CUX1: variants seen among roughly 807,000 people sequenced by gnomAD.
CUX1 encodes protein CASP.
A neutral mutation model predicts 158.8 loss-of-function variants in CUX1; 31 were observed. That is an observed-to-expected ratio of 0.20 (90% CI 0.15 to 0.26). CUX1 has a LOEUF of 0.26. Among genes scored for constraint, CUX1 ranks in the 10% least tolerant of loss-of-function variants. The pLI is 1.00. For synonymous variants in CUX1, 879 were observed against 862.1 expected (o/e 1.02, Z -0.34); for missense variants, 1,589 against 2,014.6 (o/e 0.79, Z 4.04).
intron 2 of CUX1, among the ~76,000 whole-genome samples, chr7:102,010,284 A>G (rs936679292): frequency 5.9e-5 from 9 of 151,646 alleles, no homozygotes; most frequent in African/African-American, 2.2e-4. Flanking sequence ...AGCCCCAGCT[A>G]CTCAGGAGGC....
chr7:101,877,750 C>T (rs957508462), intron 1 of CUX1, among the ~76,000 whole-genome samples: 2 of 142,882 alleles, frequency 1.4e-5, no homozygotes, highest in African/African-American at 5.2e-5. Context: ...ATTAAAATCC[C>T]TCCAATTGTG....
At chr7:102,030,933 C>T (rs1200664701) in intron 3 of CUX1, among the ~76,000 whole-genome samples, 1 of 152,116 alleles carries the variant, frequency 6.6e-6, no homozygotes, top group Admixed American at 6.5e-5. Context: ...ACATCCCGGG[C>T]TCAAGCCATC....
At chr7:101,982,872 T>TCCCCCCA (rs1813628443) in intron 2 of CUX1, among the ~76,000 whole-genome samples, 1 of 56,140 alleles carries the variant, frequency 1.8e-5, no homozygotes, top group Non-Finnish European at 3.5e-5. Flanking sequence ...CCCTCCCCCC[T>TCCCCCCA]CCCCCCACCC....
In CUX1 at chr7:102,097,467, A is replaced by C. The variant is rs903050299; in HGVS notation, c.372A>C (p.Glu124Asp). Residue 124 changes from glutamate (E) to aspartate (D), a missense_variant, in exon 5 of 24, where the codon GAA (glutamate) becomes GAC (aspartate). Coordinates refer to ENST00000292535, the MANE Select transcript of CUX1 (RefSeq NM_181552.4). ...AGAAACTTAGGGAAACTCTGGAAGAATACAACAAGGAATTTGCTGAAGTGA... is the reference window on the plus strand; with the variant it reads ...AGAAACTTAGGGAAACTCTGGAAGACTACAACAAGGAATTTGCTGAAGTGA... ...ENQKLRETLE[E>D]YNKEFAEVKN... The C allele has an allele frequency of 7.4e-6, 12 of 1,611,590 alleles. No homozygotes were observed. Among genetic ancestry groups the C allele is most frequent in the Non-Finnish European group, 1.0e-5 (12 of 1,179,562 alleles).
At chr7:101,943,576 T>C (rs986996025) in intron 2 of CUX1, among the ~76,000 whole-genome samples, 8 of 151,744 alleles carry the variant, frequency 5.3e-5, no homozygotes, top group Admixed American at 3.3e-4. Context: ...TCACATATCA[T>C]ATGCAGGATG....
chr7:101,894,120 G>C (rs543417461), intron 1 of CUX1, among the ~76,000 whole-genome samples: 1 of 152,138 alleles, frequency 6.6e-6, no homozygotes, highest in Non-Finnish European at 1.5e-5. Flanking sequence ...CTCGGGTACC[G>C]GTGTCTGATC....
chr7:102,167,799 G>A (rs1791216878), intron 9 of CUX1, among the ~76,000 whole-genome samples: 2 of 152,158 alleles, frequency 1.3e-5, no homozygotes, highest in African/African-American at 2.4e-5. Context: ...AGTTGATTAG[G>A]TCGGATGCAG....
intron 3 of CUX1, among the ~76,000 whole-genome samples, chr7:102,043,824 A>G (rs140363783): frequency 2.0e-5 from 3 of 152,250 alleles, no homozygotes; most frequent in African/African-American, 7.2e-5. Context: ...CCAACAGTGT[A>G]CAAAGATGCC....
chr7:102,258,943 G>T (rs1194490738), downstream of CUX1, among the ~76,000 whole-genome samples: 1 of 152,210 alleles, frequency 6.6e-6, no homozygotes, highest in African/African-American at 2.4e-5. Flanking sequence ...TGGCTGTTAG[G>T]CTTCTCCGCG....
intron 11 of CUX1, chr7:102,188,681 A>G (rs1374289801): frequency 3.3e-5 from 5 of 152,080 alleles, no homozygotes; most frequent in African/African-American, 1.2e-4. Flanking sequence ...GTGGTGATGC[A>G]TGCCTGTAAT....
chr7:102,044,220 G>A (rs1002279537), intron 3 of CUX1, among the ~76,000 whole-genome samples: 3 of 150,688 alleles, frequency 2.0e-5, no homozygotes, highest in Non-Finnish European at 3.0e-5. Flanking sequence ...TTGCTCTGTC[G>A]CCCAGGCTGG....
intron 2 of CUX1, chr7:101,959,593 G>A (rs569215229): frequency 6.6e-6 from 1 of 152,280 alleles, no homozygotes; most frequent in African/African-American, 2.4e-5. Context: ...AGAAATCATG[G>A]CAGCCCACGT....
chr7:102,098,487 C>T (rs930411893), intron 5 of CUX1, among the ~76,000 whole-genome samples: 22 of 152,114 alleles, frequency 1.4e-4, no homozygotes, highest in Non-Finnish European at 2.2e-4. Context: ...GGTGCACACC[C>T]GTGGTCCCAG....
intron 5 of CUX1, 86 bp downstream of exon 5, chr7:102,097,587 AGACCAGCTCTCC>A: frequency 7.3e-7 from 1 of 1,373,258 alleles, no homozygotes; most frequent in South Asian, 1.5e-5. Context: ...CATACTTTTG[AGACCAGCTCTCC>A]TTGTAATATA....
rs963840583 is a variant in CUX1 at position 102,257,115 on chromosome 7, C to G, written c.*8073C>G. The G allele has an allele frequency of 1.0e-6, 1 of 985,360 alleles. No homozygotes were observed. Among genetic ancestry groups the G allele is most frequent in the East Asian group, 1.1e-4 (1 of 8,790 alleles). The allele number at this position is 985,360 out of a possible 1,614,324, so 61.0% of individuals were successfully genotyped here. A position where few individuals can be genotyped will look rare whatever the true frequency, so the allele number is the denominator to read the frequency against. On this transcript the variant is annotated 3_prime_UTR_variant, in exon 24 of 24. Transcript: ENST00000292535. The stretch of plus-strand genomic sequence containing the variant: ...TGAAGGTGAGGCGCCCTGCCTTGAT[C>G]CCATGGGCCCAGCAGAAGGAAACTT...
intron 22 of CUX1, among the ~76,000 whole-genome samples, chr7:102,237,474 G>T (rs543556930): frequency 6.6e-6 from 1 of 152,236 alleles, no homozygotes; most frequent in Non-Finnish European, 1.5e-5. Context: ...TTGAGACAGG[G>T]TCTCTCTATG....
chr7:102,063,411 C>CTTTGTT, intron 3 of CUX1, among the ~76,000 whole-genome samples: 2 of 130,136 alleles, frequency 1.5e-5, no homozygotes, highest in East Asian at 2.3e-4. Flanking sequence ...TTTTTTGAGA[C>CTTTGTT]GGAGTCTCAC....
At chr7:102,212,830 A>G (rs1796688129) in intron 20 of CUX1, among the ~76,000 whole-genome samples, 1 of 152,176 alleles carries the variant, frequency 6.6e-6, no homozygotes, top group Admixed American at 6.5e-5. Flanking sequence ...CCATCAGCAC[A>G]TGGAGAATTT....
Position 102,257,048 on chromosome 7 carries a change from C to A in CUX1, c.*8006C>A. On this transcript the variant is annotated 3_prime_UTR_variant, in exon 24 of 24. Coordinates refer to ENST00000292535, the MANE Select transcript of CUX1 (RefSeq NM_181552.4). Reference sequence around the variant, plus strand: ...GTGTGGAGATTGCTTGCTGTGGCCCCAAGCTCAGCCAGCAGGACACCCAGT... The same window carrying A: ...GTGTGGAGATTGCTTGCTGTGGCCCAAAGCTCAGCCAGCAGGACACCCAGT... The A allele has an allele frequency of 1.0e-6, 1 of 985,394 alleles. No individual in the cohort carries two copies. Among genetic ancestry groups the A allele is most frequent in the Non-Finnish European group, 1.2e-6 (1 of 829,978 alleles). The allele number at this position is 985,394 out of a possible 1,614,324, so 61.0% of individuals were successfully genotyped here.
Sources: allele counts gnomAD v4.1 joint callset (sites outside exome capture counted in the v4.1 genomes callset), GRCh38; gene constraint gnomAD v4.1.1; transcripts MANE v1.5; gene names NCBI Gene and HGNC (gene_info 2026-07-23, HGNC 2026-07-21).